Variants in LUZP2 observed in about 807,000 individuals in gnomAD.
LUZP2 encodes the protein leucine zipper protein 2.
In LUZP2, 52 loss-of-function variants were observed where a neutral mutation model predicts 51.6. That is an observed-to-expected ratio of 1.01 (90% confidence interval 0.81 to 1.27). LUZP2 has a LOEUF of 1.27. Among genes scored for constraint, LUZP2 ranks in the 50% most tolerant of loss-of-function variants. The pLI, the probability that LUZP2 is intolerant of heterozygous loss-of-function variation, is 0.00. For missense variants in LUZP2, 436 were observed against 395.4 expected, an observed-to-expected ratio of 1.10 and a Z score of -0.87; for synonymous variants, 154 against 137.3, an observed-to-expected ratio of 1.12 and a Z score of -0.85.
chr11:24,796,809 C>G (rs1277956372), intron 5 of LUZP2, among the ~76,000 whole-genome samples: 1 of 152,070 alleles, frequency 6.6e-6, no homozygotes. Context: ...ACAAATCTAG[C>G]AAAGCTTAGC....
chr11:24,871,157 A>G (rs867333543), intron 5 of LUZP2, among the ~76,000 whole-genome samples: 4 of 152,052 alleles, frequency 2.6e-5, no homozygotes, highest in South Asian at 2.1e-4. Flanking sequence ...CAATTTTTTT[A>G]GTAATGTTTA....
At chr11:24,731,400 T>C (rs1858708876) in intron 2 of LUZP2, among the ~76,000 whole-genome samples, 1 of 151,700 alleles carries the variant, frequency 6.6e-6, no homozygotes, top group Non-Finnish European at 1.5e-5. Context: ...GGTTACCCTA[T>C]TAATTAGTTT....
intron 7 of LUZP2, among the ~76,000 whole-genome samples, chr11:24,952,657 C>T (rs1356314362): frequency 6.6e-6 from 1 of 151,808 alleles, no homozygotes. Flanking sequence ...TTTATTTTTA[C>T]TTCCTTTAGT....
At position 24,840,152 on chromosome 11, in the gene LUZP2, T is replaced by C. The variant is rs375404611; in HGVS notation, c.397-65839T>C. Among the ~76,000 whole-genome samples, 117 of 151,970 alleles carry C rather than the reference T, an allele frequency of 7.7e-4. 1 individual carries two copies. The highest frequency in any genetic ancestry group is 2.8e-3 in the African/African-American group (115 of 41,558). On this transcript the variant is annotated intron_variant, in intron 5 of 11. Coordinates refer to ENST00000336930, the MANE Select transcript of LUZP2 (RefSeq NM_001009909.4). Reference sequence around the variant, plus strand: ...CATCAAGGTCTAAGAGCTCAGGATCTGTAGACTGTATGCTTACTGATTATT... The same window carrying C: ...CATCAAGGTCTAAGAGCTCAGGATCCGTAGACTGTATGCTTACTGATTATT...
chr11:24,675,611 C>G (rs1438448677), intron 1 of LUZP2, among the ~76,000 whole-genome samples: 5 of 151,724 alleles, frequency 3.3e-5, no homozygotes, highest in African/African-American at 1.2e-4. Flanking sequence ...AAAGTAAGCT[C>G]TACATTTGAA....
At chr11:25,013,819 T>C (rs1232714182) in intron 9 of LUZP2, among the ~76,000 whole-genome samples, 1 of 152,146 alleles carries the variant, frequency 6.6e-6, no homozygotes, top group Admixed American at 6.5e-5. Context: ...TACATATGTA[T>C]ACATGTGACA....
intron 5 of LUZP2, among the ~76,000 whole-genome samples, chr11:24,773,812 A>T (rs969097054): frequency 6.6e-6 from 1 of 152,120 alleles, no homozygotes; most frequent in Admixed American, 6.5e-5. Context: ...CATGCTTGCC[A>T]CAAGGGAAAA....
chr11:24,577,843 G>T (rs1050614456), intron 1 of LUZP2, among the ~76,000 whole-genome samples: 1 of 152,094 alleles, frequency 6.6e-6, no homozygotes, highest in Non-Finnish European at 1.5e-5. Context: ...TACAGTTAGC[G>T]TATCAGAAAT....
chr11:24,837,744 TA>T (rs1447496280), intron 5 of LUZP2, among the ~76,000 whole-genome samples: 2 of 151,692 alleles, frequency 1.3e-5, no homozygotes, highest in Non-Finnish European at 3.0e-5. Context: ...GGGGTTGCTT[TA>T]AGGCTAAAAG....
rs560907395 is a variant in LUZP2 at position 24,923,652 on chromosome 11, G to A, written c.522+9114G>A. On this transcript the variant is annotated intron_variant, in intron 7 of 11. Transcript: ENST00000336930. Reference sequence around the variant, plus strand: ...GCAGAGGTTGCAGTGAGCCAAGATCGCGCCACTGCACTCCAGCCTGGCACA... The same window carrying A: ...GCAGAGGTTGCAGTGAGCCAAGATCACGCCACTGCACTCCAGCCTGGCACA... 7.2e-5 allele frequency among the ~76,000 whole-genome samples: 11 copies of A among 152,090 alleles called. No individual in the cohort carries two copies. In the South Asian group the frequency reaches 1.0e-3, roughly 14 times the overall value.
chr11:24,663,056 C>A (rs984242674), intron 1 of LUZP2, among the ~76,000 whole-genome samples: 1 of 151,894 alleles, frequency 6.6e-6, no homozygotes, highest in Non-Finnish European at 1.5e-5. Context: ...CAAAGATAAT[C>A]ACTTTTAACA....
intron 1 of LUZP2, among the ~76,000 whole-genome samples, chr11:24,546,960 TTGTTGGTGGTGGTGG>T (rs58676362): frequency 0.29 from 17,783 of 61,772 alleles, 1,201 homozygotes; most frequent in South Asian, 0.38. Context: ...GTTGTTGTTG[TTGTTGGTGGTGGTGG>T]TGGTGGTGGT....
rs1858039037 is a variant in LUZP2 at position 25,041,056 on chromosome 11, C to T, written c.766-8982C>T. Among the ~76,000 whole-genome samples, 4 of 152,180 alleles carry T rather than the reference C, an allele frequency of 2.6e-5. No individual in the cohort carries two copies. In the South Asian group the frequency reaches 6.2e-4, roughly 24 times the overall value. ...TCCTTTCTCTCTGGAACCACTGTCC[C>T]TCATTACCTGTTGTCAGTTTTCTTA... On this transcript the variant is annotated intron_variant, in intron 9 of 11. Coordinates refer to ENST00000336930, the MANE Select transcript of LUZP2 (RefSeq NM_001009909.4).
chr11:24,729,357 G>T, intron 2 of LUZP2, 71 bp downstream of exon 2: 1 of 762,862 alleles, frequency 1.3e-6, no homozygotes, highest in Non-Finnish European at 2.1e-6. Flanking sequence ...GGATTGACAT[G>T]CATTTTTAAA....
At chr11:24,572,738 T>G (rs1285057784) in intron 1 of LUZP2, among the ~76,000 whole-genome samples, 1 of 152,030 alleles carries the variant, frequency 6.6e-6, no homozygotes, top group African/African-American at 2.4e-5. Flanking sequence ...CATTCGTAAT[T>G]TAGACTGGGT....
At chr11:24,831,459 C>G (rs1850704116) in intron 5 of LUZP2, among the ~76,000 whole-genome samples, 1 of 152,020 alleles carries the variant, frequency 6.6e-6, no homozygotes, top group African/African-American at 2.4e-5. Flanking sequence ...GAATGAGATG[C>G]TTTTAAAGGA....
intron 7 of LUZP2, among the ~76,000 whole-genome samples, chr11:24,915,426 AGC>A (rs1313798142): frequency 6.6e-6 from 1 of 152,134 alleles, no homozygotes; most frequent in Non-Finnish European, 1.5e-5. Context: ...ACACAATCAA[AGC>A]AGAAAAAGGA....
intron 1 of LUZP2, among the ~76,000 whole-genome samples, chr11:24,543,893 T>G (rs1187007215): frequency 2.0e-5 from 3 of 150,808 alleles, no homozygotes; most frequent in Admixed American, 2.0e-4. Flanking sequence ...ATTTAGGTAT[T>G]GTTAAAGTGT....
chr11:24,665,868 G>C (rs1718579365), intron 1 of LUZP2, among the ~76,000 whole-genome samples: 1 of 152,098 alleles, frequency 6.6e-6, no homozygotes, highest in South Asian at 2.1e-4. Flanking sequence ...CAGTGTGAAA[G>C]TGAACTAATA....
Sources: allele counts gnomAD v4.1 joint callset (sites outside exome capture counted in the v4.1 genomes callset), GRCh38; gene constraint gnomAD v4.1.1; transcripts MANE v1.5; gene names NCBI Gene and HGNC (gene_info 2026-07-23, HGNC 2026-07-21).